Variants in TARBP1 observed in about 807,000 individuals in gnomAD.
TARBP1 encodes tRNA guanosine 2 -O-methyltransferase TARBP1.
Under a neutral mutation model 178.6 loss-of-function variants are expected in TARBP1, and 144 were observed. That is an observed-to-expected ratio of 0.81 (90% CI 0.70 to 0.93). TARBP1 has a LOEUF of 0.93. TARBP1 is among the 40% of genes least tolerant of loss of function. The probability of loss-of-function intolerance (pLI) is 0.00; values close to 1 mark genes in which losing one functional copy is unlikely to be tolerated. For missense variants in TARBP1, 2,067 were observed against 2,011.7 expected (o/e 1.03, Z -0.53); for synonymous variants, 787 against 781.0 (o/e 1.01, Z -0.13).
chr1:234,447,069 G>C (rs1666252019), intron 11 of TARBP1, 94 bp from the exon 12 acceptor site: 3 of 1,306,632 alleles, frequency 2.3e-6, no homozygotes, highest in Admixed American at 3.6e-5. Flanking sequence ...TTAGCTAATG[G>C]ATCCAATTAG....
At chr1:234,432,950 A>G (rs975323786) in intron 14 of TARBP1, among the ~76,000 whole-genome samples, 2 of 152,184 alleles carry the variant, frequency 1.3e-5, no homozygotes, top group African/African-American at 4.8e-5. Flanking sequence ...GATGCCTCTT[A>G]TATGTTTAAT....
chr1:234,422,179 AC>A (rs1316260485), intron 20 of TARBP1, among the ~76,000 whole-genome samples: 1 of 152,172 alleles, frequency 6.6e-6, no homozygotes, highest in Non-Finnish European at 1.5e-5. Flanking sequence ...TCACCAAGTC[AC>A]CACCCTCAAC....
chr1:234,429,948 GAAT>G (rs1664244889), intron 15 of TARBP1, 136 bp downstream of exon 15: 1 of 937,442 alleles, frequency 1.1e-6, no homozygotes, highest in Non-Finnish European at 1.6e-6. Flanking sequence ...TAACAGAGAT[GAAT>G]AATGTTATAC....
At chr1:234,445,197 C>T (rs1572342752) in intron 12 of TARBP1, among the ~76,000 whole-genome samples, 1 of 152,122 alleles carries the variant, frequency 6.6e-6, no homozygotes, top group East Asian at 1.9e-4. Flanking sequence ...ACGTTCTTCG[C>T]TGGCTTCCTG....
rs763552306 is a variant in TARBP1, at chr1:234,467,620, A to G, written c.1130T>C (p.Met377Thr). The change falls in exon 4 of 30, where the codon ATG becomes ACG. Residue 377 changes from methionine to threonine, a missense_variant. Coordinates refer to ENST00000040877, the MANE Select transcript of TARBP1 (RefSeq NM_005646.4). The stretch of plus-strand genomic sequence containing the variant: ...TTCAAACATTCTTTTATAAATACAC[A>G]TATGCCAGGATGGGTGAAAGAGCCA... ...GCWLFHPSWHMCIYKRMFESE... is the reference protein window; with the variant it reads ...GCWLFHPSWHTCIYKRMFESE... 36 of 1,601,716 alleles carry G rather than the reference A, an allele frequency of 2.2e-5. No individual in the cohort carries two copies. The highest frequency in any genetic ancestry group is 3.1e-5 in the Non-Finnish European group (36 of 1,176,790).
intron 24 of TARBP1, chr1:234,405,179 T>C (rs1020094627): frequency 6.6e-6 from 1 of 152,152 alleles, no homozygotes; most frequent in African/African-American, 2.4e-5. Flanking sequence ...AAAAATCTTT[T>C]ATGTTGGTTG....
At chr1:234,463,806 A>AT in intron 6 of TARBP1, 31 bp downstream of exon 6, 3 of 1,342,574 alleles carry the variant, frequency 2.2e-6, no homozygotes, top group South Asian at 1.6e-5. Flanking sequence ...AAGCTAAAGC[A>AT]TTTTTAAAAA....
At chr1:234,469,065 T>A (rs1285945280) in intron 3 of TARBP1, among the ~76,000 whole-genome samples, 1 of 16,466 alleles carries the variant, frequency 6.1e-5, no homozygotes, top group Non-Finnish European at 9.4e-5. Context: ...TTTGCCTTTT[T>A]TTTTTTTTTT....
chr1:234,458,471 G>C (rs564171691), intron 8 of TARBP1, among the ~76,000 whole-genome samples: 3 of 152,294 alleles, frequency 2.0e-5, no homozygotes, highest in Non-Finnish European at 1.5e-5. Flanking sequence ...TCTAGGCCAG[G>C]CATTGGCAAA....
intron 4 of TARBP1, 44 bp downstream of exon 4, chr1:234,467,458 G>T: frequency 6.8e-7 from 1 of 1,464,374 alleles, no homozygotes; most frequent in Non-Finnish European, 9.0e-7. Flanking sequence ...TTTACCTCTC[G>T]CCTTTCAACA....
Position 234,446,678 on chromosome 1 carries a change from T to TAATTATATAATTTCTTAAATAC in TARBP1, c.2134+124_2134+125insGTATTTAAGAAATTATATAATT, listed in dbSNP as rs1423748962. 1.6e-5 allele frequency: 4 copies of TAATTATATAATTTCTTAAATAC among 257,310 alleles called. No homozygotes were observed. The East Asian group carries it at 4.4e-4, about 28-fold the overall frequency. 15.9% of individuals were successfully genotyped at this position (257,310 alleles called of 1,614,324 possible). On this transcript the variant is annotated intron_variant, in intron 12 of 29. Coordinates refer to ENST00000040877, the MANE Select transcript of TARBP1 (RefSeq NM_005646.4). ...ATATAATTATATAATTTCTTAAATATATATAATTTCTAAATTATATAAAAA... is the reference window on the plus strand; with the variant it reads ...ATATAATTATATAATTTCTTAAATATAATTATATAATTTCTTAAATACATATAATTTCTAAATTATATAAAAA...
intron 26 of TARBP1, chr1:234,398,161 C>CT (rs35248474): frequency 0.36 from 92,096 of 259,102 alleles, 12,930 homozygotes; most frequent in Admixed American, 0.47. Flanking sequence ...CTTCCTTTGG[C>CT]TTTTTTTTTT....
At chr1:234,435,346 G>A (rs928542905) in intron 13 of TARBP1, among the ~76,000 whole-genome samples, 6 of 146,140 alleles carry the variant, frequency 4.1e-5, no homozygotes, top group Non-Finnish European at 9.1e-5. Context: ...TATTACAGGC[G>A]CGGTGGCGCA....
intron 9 of TARBP1, among the ~76,000 whole-genome samples, chr1:234,453,661 GATA>G (rs1237193228): frequency 7.9e-5 from 12 of 152,126 alleles, no homozygotes; most frequent in South Asian, 2.1e-4. Context: ...TAGATAATTA[GATA>G]ATAATGAGAA....
intron 9 of TARBP1, among the ~76,000 whole-genome samples, chr1:234,455,418 G>C (rs892403765): frequency 3.3e-5 from 5 of 152,106 alleles, no homozygotes; most frequent in African/African-American, 1.2e-4. Flanking sequence ...TCGGCAATGG[G>C]GGAAATTGAA....
At chr1:234,398,277 C>G (rs1374245974) in intron 26 of TARBP1, 105 bp downstream of exon 26, 2 of 957,190 alleles carry the variant, frequency 2.1e-6, no homozygotes, top group African/African-American at 3.4e-5. Flanking sequence ...GTCACCATGT[C>G]AATGAAAGTG....
intron 22 of TARBP1, 51 bp downstream of exon 22, chr1:234,418,033 G>C (rs759206002): frequency 4.4e-5 from 48 of 1,100,576 alleles, no homozygotes; most frequent in Non-Finnish European, 5.2e-5. Flanking sequence ...TCCCAGCATT[G>C]TCAAAATCAT....
chr1:234,422,066 C>A (rs1338981743), intron 20 of TARBP1, among the ~76,000 whole-genome samples: 1 of 152,160 alleles, frequency 6.6e-6, no homozygotes, highest in Non-Finnish European at 1.5e-5. Context: ...TTAGGTTTCA[C>A]ATACTGCTCA....
chr1:234,450,354 G>T, intron 10 of TARBP1, 74 bp downstream of exon 10: 1 of 1,222,400 alleles, frequency 8.2e-7, no homozygotes, highest in Non-Finnish European at 1.1e-6. Context: ...CTAACTCTCA[G>T]TCTGAAAAAC....
Sources: gnomAD v4.1 joint callset for allele counts (sites outside exome capture counted in the v4.1 genomes callset) on GRCh38, gnomAD v4.1.1 for gene constraint, MANE v1.5 for transcripts, NCBI Gene and HGNC (gene_info 2026-07-23, HGNC 2026-07-21) for gene names.